The following UGT2A2 variants were observed in gnomAD, a reference collection of about 807,000 sequenced individuals.
UGT2A2 encodes the protein UDP-glucuronosyltransferase 2A2.
A neutral mutation model predicts 50.7 loss-of-function variants in UGT2A2; 60 were observed. That is an observed-to-expected ratio of 1.18 (90% confidence interval 0.96 to 1.47). The LOEUF is 1.47. Among genes scored for constraint, UGT2A2 ranks in the 40% most tolerant of loss-of-function variants. The probability of loss-of-function intolerance (pLI) is 0.00; values close to 1 mark genes in which losing one functional copy is unlikely to be tolerated. For missense variants in UGT2A2, 762 were observed against 634.0 expected (o/e 1.20, Z -2.17); for synonymous variants, 242 against 214.6 (o/e 1.13, Z -1.11).
In UGT2A2 at chr4:69,602,444, A is replaced by T. The variant is rs573564433; in HGVS notation, c.743-3050T>A. ...TTAAACAAGAAAAACAATTTTTAGA[A>T]TAACAAAGATTTAGGAGTTTATCTA... On this transcript the variant is annotated intron_variant, in intron 1 of 5. Coordinates refer to ENST00000604629, the MANE Select transcript of UGT2A2 (RefSeq NM_001105677.2). Among the ~76,000 whole-genome samples the T allele has an allele frequency of 1.0e-4, 12 of 118,562 alleles. 3 individuals are homozygous for T. The South Asian group carries it at 3.4e-3, about 33-fold the overall frequency. 77.8% of individuals were successfully genotyped at this position (118,562 alleles called of 152,430 possible).
At chr4:69,592,269 C>T (rs1177903254) in intron 5 of UGT2A2, among the ~76,000 whole-genome samples, 1 of 152,094 alleles carries the variant, frequency 6.6e-6, no homozygotes, top group Non-Finnish European at 1.5e-5. Flanking sequence ...TTGGACTCTA[C>T]ATGAAAACAA....
intron 3 of UGT2A2, 104 bp downstream of exon 3, chr4:69,596,146 C>T (rs1718911191): frequency 7.5e-7 from 1 of 1,327,996 alleles, no homozygotes; most frequent in Admixed American, 2.9e-5. Flanking sequence ...TAGTGATACT[C>T]AGTGTATAAT....
At chr4:69,593,762 T>C (rs1718721774) in intron 5 of UGT2A2, among the ~76,000 whole-genome samples, 1 of 151,844 alleles carries the variant, frequency 6.6e-6, no homozygotes, top group Non-Finnish European at 1.5e-5. Flanking sequence ...AGGTATCGAA[T>C]GGTATATACT....
chr4:69,618,166 C>T (rs545914256), intron 1 of UGT2A2, among the ~76,000 whole-genome samples: 2 of 149,900 alleles, frequency 1.3e-5, no homozygotes, highest in Admixed American at 1.3e-4. Flanking sequence ...TATTATTTCA[C>T]AGATAAATAG....
chr4:69,613,251 C>A (rs539421501), intron 1 of UGT2A2, among the ~76,000 whole-genome samples: 154 of 151,810 alleles, frequency 1.0e-3, no homozygotes, highest in Non-Finnish European at 2.0e-3. Context: ...TAAACAGATA[C>A]CTAGACATAT....
intron 5 of UGT2A2, among the ~76,000 whole-genome samples, chr4:69,590,409 G>A (rs1718520283): frequency 6.6e-6 from 1 of 152,196 alleles, no homozygotes. Flanking sequence ...GTCTTCACTT[G>A]CAGTTTCCCT....
intron 3 of UGT2A2, 72 bp from the exon 4 acceptor site, chr4:69,595,321 A>G: frequency 6.4e-7 from 1 of 1,558,008 alleles, no homozygotes; most frequent in Non-Finnish European, 8.8e-7. Flanking sequence ...AGAATTATTT[A>G]GAAATCATTT....
intron 1 of UGT2A2, among the ~76,000 whole-genome samples, chr4:69,612,474 C>T (rs1343187432): frequency 2.0e-5 from 3 of 151,868 alleles, no homozygotes; most frequent in African/African-American, 7.3e-5. Flanking sequence ...ACCATACTAC[C>T]CAACTTCAAA....
At chr4:69,631,272 A>AT (rs1218713348) in intron 1 of UGT2A2, among the ~76,000 whole-genome samples, 1 of 151,648 alleles carries the variant, frequency 6.6e-6, no homozygotes, top group East Asian at 1.9e-4. Context: ...ATCTTCCCAT[A>AT]TTTTTTCAAA....
chr4:69,589,413 G>T lies in UGT2A2; in HGVS notation c.1570C>A (p.Gln524Lys). ...LVIQCCLFSC[Q>K]KFGKIGKKKK... ...TTCTTTCCTATCTTACCAAATTTTT[G>T]ACAGGAAAACAAACAACATTGTATG... The change falls in exon 6 of 6, where the codon CAA becomes AAA. Residue 524 changes from glutamine to lysine, a missense_variant. Physicochemically the swap from Gln to Lys is moderately conservative, Grantham distance 53. Transcript: ENST00000604629. 4 of 1,609,828 alleles carry T rather than the reference G, an allele frequency of 2.5e-6. No homozygotes were observed. The highest frequency in any genetic ancestry group is 3.4e-6 in the Non-Finnish European group (4 of 1,177,768).
At chr4:69,593,322 G>A (rs1718693018) in intron 5 of UGT2A2, among the ~76,000 whole-genome samples, 1 of 151,728 alleles carries the variant, frequency 6.6e-6, no homozygotes, top group South Asian at 2.1e-4. Flanking sequence ...AGAAAAAAAT[G>A]ACATAAATAT....
At position 69,594,471 on chromosome 4, in the gene UGT2A2, A is replaced by G. The variant is rs190172601; in HGVS notation, c.1331+6T>C. 13 of 1,614,068 alleles carry G rather than the reference A, an allele frequency of 8.1e-6. No individual in the cohort carries two copies. In the Admixed American group the frequency reaches 2.2e-4, roughly 27 times the overall value. On this transcript the variant is annotated splice_donor_region_variant and intron_variant, in intron 5 of 5. Transcript: ENST00000604629. ...TAGGCAAGTTTTTAGGAGCCTTAGT[A>G]CTTACGAAGGTTCATTAATGACTGT...
intron 1 of UGT2A2, among the ~76,000 whole-genome samples, chr4:69,633,168 T>C (rs566829281): frequency 2.3e-4 from 35 of 152,302 alleles, no homozygotes; most frequent in African/African-American, 7.5e-4. Flanking sequence ...CAGAGAATGA[T>C]TGATGTGTTA....
chr4:69,632,300 G>C (rs1444375304), intron 1 of UGT2A2, among the ~76,000 whole-genome samples: 1 of 152,080 alleles, frequency 6.6e-6, no homozygotes, highest in Non-Finnish European at 1.5e-5. Context: ...CTAGGTTTTG[G>C]GGTTAATAAG....
chr4:69,604,673 C>A (rs529868229), intron 1 of UGT2A2, among the ~76,000 whole-genome samples: 1 of 136,642 alleles, frequency 7.3e-6, no homozygotes, highest in African/African-American at 3.0e-5. Flanking sequence ...ATTCAGGAAA[C>A]CCATCTCACG....
rs1488020488 is a variant in UGT2A2 at position 69,639,372 on chromosome 4, C to T, written c.269G>A (p.Ser90Asn). The change falls in exon 1 of 6, where the codon AGC (serine) becomes AAC (asparagine). Residue 90 changes from serine (S) to asparagine (N), a missense_variant. Transcript: ENST00000604629. ...ATGCTCAATTAAGGAATCTATATTG[C>T]TCTTCTTGTAGGAAACAGGTATCAC... ...FEVIPVSYKK[S>N]NIDSLIEHMI... is the part of the protein sequence containing the mutation. The T allele has an allele frequency of 6.2e-7, 1 of 1,613,504 alleles. No individual in the cohort carries two copies. Among genetic ancestry groups the T allele is most frequent in the Admixed American group, 1.7e-5 (1 of 59,966 alleles).
chr4:69,638,420 T>A (rs1034381794), intron 1 of UGT2A2, among the ~76,000 whole-genome samples: 1 of 152,062 alleles, frequency 6.6e-6, no homozygotes, highest in Admixed American at 6.6e-5. Flanking sequence ...CCCAGAGATG[T>A]GTAAAGATAG....
At chr4:69,621,428 T>A (rs1364695780) in intron 1 of UGT2A2, among the ~76,000 whole-genome samples, 1 of 151,928 alleles carries the variant, frequency 6.6e-6, no homozygotes, top group Non-Finnish European at 1.5e-5. Flanking sequence ...ATTGGAGAAA[T>A]GAAAATCAAA....
chr4:69,635,849 A>AAAAAAAAAAAAAAAGAG (rs772370302), intron 1 of UGT2A2: 7 of 118,514 alleles, frequency 5.9e-5, no homozygotes, highest in African/African-American at 2.4e-4. Flanking sequence ...AAAAAAAAAA[A>AAAAAAAAAAAAAAAGAG]AGAGAGAGAG....
Sources: allele counts gnomAD v4.1 joint callset (sites outside exome capture counted in the v4.1 genomes callset), GRCh38; gene constraint gnomAD v4.1.1; transcripts MANE v1.5; gene names NCBI Gene and HGNC (gene_info 2026-07-23, HGNC 2026-07-21).